Variants in ABCG1 observed in about 807,000 individuals in gnomAD.
ABCG1 encodes the protein ATP-binding cassette sub-family G member 1.
A neutral mutation model predicts 69.2 loss-of-function variants in ABCG1; 29 were observed. That is an observed-to-expected ratio of 0.42 (90% confidence interval 0.31 to 0.57). The LOEUF (loss-of-function observed/expected upper bound fraction) is 0.57. Ranked by LOEUF, ABCG1 falls within the 20% of genes least tolerant of loss-of-function variation. The pLI, the probability that ABCG1 is intolerant of heterozygous loss-of-function variation, is 0.15. For synonymous variants in ABCG1, 370 were observed against 374.8 expected (o/e 0.99, Z 0.15); for missense variants, 718 against 898.1 (o/e 0.80, Z 2.56).
intron 2 of ABCG1, among the ~76,000 whole-genome samples, chr21:42,266,506 A>G (rs2068508340): frequency 6.6e-6 from 1 of 152,060 alleles, no homozygotes; most frequent in South Asian, 2.1e-4. Flanking sequence ...AGGGGCAGAG[A>G]TAGACTCTGT....
Position 42,209,002 on chromosome 21 carries a change from C to T in ABCG1, c.48+7279C>T, listed in dbSNP as rs541384289. Among the ~76,000 whole-genome samples, 25 of 152,152 alleles carry T rather than the reference C, an allele frequency of 1.6e-4. No homozygotes were observed. The South Asian group carries it at 5.2e-3, about 32-fold the overall frequency. ...TTCTGGGGGAGGGAGGCAGGAGGGT[C>T]AGGAGAAATGTCTCGGAGCCTGGAA... On this transcript the variant is annotated intron_variant, in intron 2 of 15. Coordinates refer to the ABCG1 transcript ENST00000398457.
At chr21:42,211,387 T>C (rs2067588196), upstream of ABCG1, among the ~76,000 whole-genome samples, 1 of 152,096 alleles carries the variant, frequency 6.6e-6, no homozygotes. Context: ...AGGCTTCTGC[T>C]TGAAGGGCTA....
In ABCG1 at chr21:42,276,553, C is replaced by T. The variant is rs2068713793; in HGVS notation, c.538-342C>T. Reference sequence around the variant, plus strand: ...CCTACCATTGTTAAAGCAGGGGCATCGGAAGCCAAGAACTCCTTGGGTTTT... The same window carrying T: ...CCTACCATTGTTAAAGCAGGGGCATTGGAAGCCAAGAACTCCTTGGGTTTT... On this transcript the variant is annotated intron_variant, in intron 4 of 14. Coordinates refer to ENST00000398449, the MANE Select transcript of ABCG1 (RefSeq NM_016818.3). The surrounding 1 kb of genome is among the most constrained non-coding windows in gnomAD (Gnocchi z 5.3). The T allele has an allele frequency of 1.0e-5, 3 of 292,832 alleles. No individual in the cohort carries two copies. The highest frequency in any genetic ancestry group is 5.7e-5 in the South Asian group (1 of 17,600). 18.1% of individuals were successfully genotyped at this position (292,832 alleles called of 1,614,324 possible).
At chr21:42,261,373 C>T (rs552049093) in intron 2 of ABCG1, among the ~76,000 whole-genome samples, 191 of 152,274 alleles carry the variant, frequency 1.3e-3, no homozygotes, top group African/African-American at 3.8e-3. Flanking sequence ...TGTGGGGTGA[C>T]GGGAGCGGCC....
At chr21:42,247,210 A>C (rs1221097080) in intron 2 of ABCG1, among the ~76,000 whole-genome samples, 1 of 152,198 alleles carries the variant, frequency 6.6e-6, no homozygotes, top group Non-Finnish European at 1.5e-5. Context: ...ACAAACTTTT[A>C]TTATCTGTTA....
chr21:42,257,958 AT>A, intron 2 of ABCG1, among the ~76,000 whole-genome samples: 2 of 145,178 alleles, frequency 1.4e-5, no homozygotes, highest in Non-Finnish European at 3.0e-5. Context: ...CTCTCCATCC[AT>A]CCCTCCACTC....
chr21:42,216,214 T>C (rs1047776621), upstream of ABCG1: 1 of 438,174 alleles, frequency 2.3e-6, no homozygotes, highest in African/African-American at 2.0e-5. Context: ...CTCTTTCCTT[T>C]GTAAATTGCC....
At chr21:42,232,094 T>C (rs980046378) in intron 2 of ABCG1, among the ~76,000 whole-genome samples, 2 of 152,200 alleles carry the variant, frequency 1.3e-5, no homozygotes, top group African/African-American at 4.8e-5. Context: ...AGCACTCCTT[T>C]GGTGATGAGG....
intron 1 of ABCG1, among the ~76,000 whole-genome samples, chr21:42,224,341 G>T (rs773880284): frequency 2.6e-5 from 4 of 152,348 alleles, no homozygotes; most frequent in East Asian, 3.9e-4. Context: ...TGCCACAGGG[G>T]CATTGGGACC....
chr21:42,222,753 G>A (rs553589883), intron 1 of ABCG1, among the ~76,000 whole-genome samples: 39 of 152,312 alleles, frequency 2.6e-4, no homozygotes, highest in African/African-American at 9.1e-4. Flanking sequence ...TAGTCACATG[G>A]TAATTGCTGG....
chr21:42,227,176 C>T (rs1400514866), intron 2 of ABCG1, among the ~76,000 whole-genome samples: 1 of 152,136 alleles, frequency 6.6e-6, no homozygotes, highest in Non-Finnish European at 1.5e-5. Flanking sequence ...AGTACCTTCT[C>T]AACAGACAAC....
intron 2 of ABCG1, among the ~76,000 whole-genome samples, chr21:42,204,247 T>G (rs2067527145): frequency 6.6e-6 from 1 of 152,208 alleles, no homozygotes; most frequent in South Asian, 2.1e-4. Context: ...TTCCTTTTCT[T>G]GCTTTACCAC....
intron 7 of ABCG1, 82 bp from the exon 8 acceptor site, chr21:42,285,786 CGGTTGATTGATT>C (rs2068928391): frequency 3.6e-6 from 3 of 844,566 alleles, no homozygotes; most frequent in Non-Finnish European, 6.1e-6. Context: ...ACTGATTGAT[CGGTTGATTGATT>C]GGTTGATTGA....
At chr21:42,233,869 C>A (rs2067936873) in intron 2 of ABCG1, among the ~76,000 whole-genome samples, 2 of 152,242 alleles carry the variant, frequency 1.3e-5, no homozygotes, top group African/African-American at 4.8e-5. Context: ...CTTTCTGTTT[C>A]TTTTACTGTT....
chr21:42,292,920 CAT>C (rs1411360621), intron 13 of ABCG1, among the ~76,000 whole-genome samples: 4 of 147,238 alleles, frequency 2.7e-5, no homozygotes, highest in Admixed American at 6.8e-5. Flanking sequence ...ACACACCACA[CAT>C]ACTACACACC....
chr21:42,205,982 T>A (rs746233931), intron 2 of ABCG1, among the ~76,000 whole-genome samples: 3 of 152,248 alleles, frequency 2.0e-5, no homozygotes, highest in Non-Finnish European at 2.9e-5. Flanking sequence ...TTTTAAAGTA[T>A]GTTGTTTGGA....
At position 42,291,650 on chromosome 21, in the gene ABCG1, C is replaced by T. The variant is rs2069063893; in HGVS notation, c.1647C>T (p.Ser549=). ...LGLLIGAAST[S]LQVATFVGPV... ...TGCTGATCGGAGCCGCCTCCACGTCCCTGCAGGTGCCAGCCCAGGAGGCGC... is the reference window on the plus strand; with the variant it reads ...TGCTGATCGGAGCCGCCTCCACGTCTCTGCAGGTGCCAGCCCAGGAGGCGC... Residue 549 remains serine, a synonymous_variant, in exon 13 of 15, where the codon TCC becomes TCT. Coordinates refer to ENST00000398449, the MANE Select transcript of ABCG1 (RefSeq NM_016818.3). This position sits in a 1 kb window ranked among gnomAD's most constrained non-coding sequence, Gnocchi z 6.4. 1 of 1,600,922 alleles carries T rather than the reference C, an allele frequency of 6.2e-7. No homozygotes were observed. The highest frequency in any genetic ancestry group is 1.3e-5 in the African/African-American group (1 of 74,928).
rs112874488 is a variant in ABCG1, at chr21:42,248,540, A to G, written c.287-22530A>G. Among the ~76,000 whole-genome samples, 600 of 152,272 alleles carry G rather than the reference A, an allele frequency of 3.9e-3. 6 individuals carry two copies. The highest frequency in any genetic ancestry group is 0.014 in the African/African-American group (574 of 41,530). ...ACCTGAATACAGCGCTCTCAGCAGC[A>G]CTGTTCATAACAACAACAAGACTGG... On this transcript the variant is annotated intron_variant, in intron 2 of 14. Coordinates refer to ENST00000398449, the MANE Select transcript of ABCG1 (RefSeq NM_016818.3).
intron 2 of ABCG1, among the ~76,000 whole-genome samples, chr21:42,242,143 C>T (rs1325860959): frequency 6.6e-6 from 1 of 152,212 alleles, no homozygotes; most frequent in Non-Finnish European, 1.5e-5. Context: ...TTACAAAGCA[C>T]ATGCAGTTCT....
Sources: gnomAD v4.1 joint callset for allele counts (sites outside exome capture counted in the v4.1 genomes callset) on GRCh38, gnomAD v4.1.1 for gene constraint, Gnocchi (gnomAD v3.1) non-coding constraint, MANE v1.5 for transcripts, NCBI Gene and HGNC (gene_info 2026-07-23, HGNC 2026-07-21) for gene names.